RIMS2: variants seen among roughly 807,000 people sequenced by gnomAD.
RIMS2 encodes the protein regulating synaptic membrane exocytosis 2, also known as regulating synaptic membrane exocytosis protein 2.
RIMS2 carries 59 observed loss-of-function variants against 174.4 expected under a neutral mutation model. The ratio of observed to expected loss-of-function variants is 0.34; its 90% CI spans 0.27 to 0.42. The LOEUF (loss-of-function observed/expected upper bound fraction) is 0.42, where lower values mean the gene tolerates loss of function less well. RIMS2 is among the 10% of genes least tolerant of loss of function. The pLI is 1.00. For missense variants in RIMS2, 1,620 were observed against 1,666.3 expected, an observed-to-expected ratio of 0.97 and a Z score of 0.48; for synonymous variants, 606 against 572.5, an observed-to-expected ratio of 1.06 and a Z score of -0.84.
At chr8:103,973,905 C>T (rs1003676641) in intron 15 of RIMS2, among the ~76,000 whole-genome samples, 3 of 152,170 alleles carry the variant, frequency 2.0e-5, no homozygotes, top group African/African-American at 7.2e-5. Flanking sequence ...CTGTCCCTCT[C>T]TCTCTGGAGA....
chr8:104,118,370 G>GTTT (rs113018786), intron 19 of RIMS2, among the ~76,000 whole-genome samples: 1 of 136,490 alleles, frequency 7.3e-6, no homozygotes, highest in Non-Finnish European at 1.6e-5. Context: ...TTGTTTTTTT[G>GTTT]TTTTTTTTTT....
chr8:104,015,434 C>A, intron 19 of RIMS2: 2 of 708,494 alleles, frequency 2.8e-6, no homozygotes, highest in South Asian at 3.0e-5. Flanking sequence ...ACAATGGAGT[C>A]AAGGAGATAG....
intron 22 of RIMS2, 42 bp from the exon 29 acceptor site, chr8:104,250,982 C>G (rs2099357179): frequency 6.3e-7 from 1 of 1,577,820 alleles, no homozygotes; most frequent in African/African-American, 1.4e-5. Flanking sequence ...ATTTCATGTC[C>G]ATAGTTTATT....
chr8:103,969,605 C>T (rs1303424105), intron 15 of RIMS2, among the ~76,000 whole-genome samples: 1 of 152,138 alleles, frequency 6.6e-6, no homozygotes, highest in Non-Finnish European at 1.5e-5. Flanking sequence ...GCAGGCTGTC[C>T]ACTTTATTTA....
intron 1 of RIMS2, among the ~76,000 whole-genome samples, chr8:103,590,622 T>G (rs1194643770): frequency 4.0e-5 from 6 of 151,338 alleles, no homozygotes; most frequent in Non-Finnish European, 8.9e-5. Context: ...TCCCATCTAT[T>G]CCTTTATACA....
At chr8:103,878,698 CTT>C (rs58940277) in intron 3 of RIMS2, among the ~76,000 whole-genome samples, 7 of 141,408 alleles carry the variant, frequency 5.0e-5, no homozygotes, top group African/African-American at 7.6e-5. Flanking sequence ...TGGTCTTGAG[CTT>C]TTTTTTTTTT....
At chr8:103,719,183 A>T (rs1473099692) in intron 2 of RIMS2, among the ~76,000 whole-genome samples, 1 of 152,192 alleles carries the variant, frequency 6.6e-6, no homozygotes, top group Non-Finnish European at 1.5e-5. Context: ...GCCATTTGTG[A>T]TGATGAAGGA....
chr8:104,130,091 T>C (rs2098462410), intron 19 of RIMS2, among the ~76,000 whole-genome samples: 1 of 152,208 alleles, frequency 6.6e-6, no homozygotes, highest in Non-Finnish European at 1.5e-5. Flanking sequence ...AAATTCTTTC[T>C]TTAGAGTTAT....
At chr8:104,017,512 A>T (rs1479086024) in intron 19 of RIMS2, among the ~76,000 whole-genome samples, 1 of 152,024 alleles carries the variant, frequency 6.6e-6, no homozygotes, top group Non-Finnish European at 1.5e-5. Context: ...CATTATTATT[A>T]TTTTTCCCTA....
intron 19 of RIMS2, among the ~76,000 whole-genome samples, chr8:104,067,292 A>G (rs912874736): frequency 6.6e-6 from 1 of 152,214 alleles, no homozygotes; most frequent in African/African-American, 2.4e-5. Context: ...TGAGTTCACT[A>G]AGCTCATTTT....
At chr8:104,130,318 A>G (rs1337575578) in intron 19 of RIMS2, among the ~76,000 whole-genome samples, 1 of 152,242 alleles carries the variant, frequency 6.6e-6, no homozygotes, top group Non-Finnish European at 1.5e-5. Flanking sequence ...TACACCGAGC[A>G]GTCCTGCTGC....
At chr8:103,534,469 A>G (rs188213076) in intron 1 of RIMS2, among the ~76,000 whole-genome samples, 75 of 152,356 alleles carry the variant, frequency 4.9e-4, no homozygotes, top group African/African-American at 1.6e-3. Context: ...CTAAAAGGCA[A>G]ATGTCTAGAG....
At chr8:103,826,042 A>G (rs1251103215) in intron 3 of RIMS2, among the ~76,000 whole-genome samples, 2 of 152,108 alleles carry the variant, frequency 1.3e-5, no homozygotes, top group Admixed American at 6.6e-5. Context: ...ACTTTTTCAT[A>G]CTGTTGTTGG....
chr8:103,730,166 A>G (rs1272590611), intron 2 of RIMS2, among the ~76,000 whole-genome samples: 1 of 152,078 alleles, frequency 6.6e-6, no homozygotes, highest in Non-Finnish European at 1.5e-5. Flanking sequence ...TTCAGGTCTC[A>G]TTGTATTGTC....
At chr8:104,005,167 A>G (rs2095528159) in intron 17 of RIMS2, among the ~76,000 whole-genome samples, 1 of 152,238 alleles carries the variant, frequency 6.6e-6, no homozygotes, top group South Asian at 2.1e-4. Flanking sequence ...TAGCACTACC[A>G]TAGTCAATCC....
intron 14 of RIMS2, among the ~76,000 whole-genome samples, chr8:103,943,192 AT>A (rs1255525643): frequency 6.6e-6 from 1 of 152,234 alleles, no homozygotes; most frequent in African/African-American, 2.4e-5. Flanking sequence ...AAATAAGCAT[AT>A]TTACATTTAA....
chr8:103,869,078 T>C (rs1368660584), intron 3 of RIMS2, among the ~76,000 whole-genome samples: 3 of 152,124 alleles, frequency 2.0e-5, no homozygotes, highest in Non-Finnish European at 4.4e-5. Context: ...CCCTGATATA[T>C]GCATTTCATG....
exon 17 of RIMS2, chr8:103,989,327 C>G (rs775814583): frequency 1.2e-6 from 2 of 1,611,610 alleles, no homozygotes; most frequent in South Asian, 2.2e-5. Flanking sequence ...ACAGGGGCTT[C>G]GAGGGACCCG....
intron 1 of RIMS2, among the ~76,000 whole-genome samples, chr8:103,523,331 T>C (rs1207282972): frequency 5.9e-5 from 9 of 151,978 alleles, no homozygotes; most frequent in Admixed American, 5.3e-4. Flanking sequence ...AGGAAAGATG[T>C]GATTGACTTT....
Sources: allele counts gnomAD v4.1 joint callset (sites outside exome capture counted in the v4.1 genomes callset), GRCh38; gene constraint gnomAD v4.1.1; transcripts MANE v1.5; gene names NCBI Gene and HGNC (gene_info 2026-07-23, HGNC 2026-07-21).